The following TRHDE variants were observed in gnomAD, a reference collection of about 807,000 sequenced individuals.
TRHDE encodes the protein thyrotropin releasing hormone degrading enzyme.
In TRHDE, 72 loss-of-function variants were observed where a neutral mutation model predicts 125.7. The ratio of observed to expected loss-of-function variants is 0.57; its 90% CI spans 0.47 to 0.70. The LOEUF is 0.70. TRHDE is among the 30% of genes least tolerant of loss of function. The pLI, the probability that TRHDE is intolerant of heterozygous loss-of-function variation, is 0.00. For synonymous variants in TRHDE, 509 were observed against 509.1 expected (o/e 1.00, Z 0.00); for missense variants, 1,110 against 1,327.1 (o/e 0.84, Z 2.54).
intron 2 of TRHDE, among the ~76,000 whole-genome samples, chr12:72,147,310 C>G (rs1876252363): frequency 6.6e-6 from 1 of 152,130 alleles, no homozygotes. Flanking sequence ...GAAAACAGGT[C>G]TAAGCAGGCT....
chr12:72,125,163 A>G (rs1190229617), intron 2 of TRHDE, among the ~76,000 whole-genome samples: 1 of 152,132 alleles, frequency 6.6e-6, no homozygotes, highest in African/African-American at 2.4e-5. Context: ...ATTGGTACTA[A>G]GATTACTTTA....
chr12:72,157,320 GA>G (rs1000566533), intron 2 of TRHDE, among the ~76,000 whole-genome samples: 4 of 152,142 alleles, frequency 2.6e-5, no homozygotes, highest in Non-Finnish European at 4.4e-5. Context: ...AATATAATGG[GA>G]AGAGATTAGA....
chr12:72,516,522 T>C (rs1310571426), intron 6 of TRHDE, among the ~76,000 whole-genome samples: 1 of 152,162 alleles, frequency 6.6e-6, no homozygotes, highest in Admixed American at 6.5e-5. Flanking sequence ...TGAAGTTGCT[T>C]ATCAGCTTAA....
At chr12:72,624,955 AG>A (rs941434834) in intron 15 of TRHDE, among the ~76,000 whole-genome samples, 1 of 151,906 alleles carries the variant, frequency 6.6e-6, no homozygotes, top group African/African-American at 2.4e-5. Context: ...GACACAGAAA[AG>A]ATGATGGCCT....
intron 3 of TRHDE, among the ~76,000 whole-genome samples, chr12:72,454,857 T>C (rs1040976748): frequency 1.3e-5 from 2 of 152,152 alleles, no homozygotes; most frequent in African/African-American, 4.8e-5. Flanking sequence ...GTGATAGTTT[T>C]CTCCCTAAAC....
At chr12:72,093,115 T>A (rs1029530010) in intron 1 of TRHDE, among the ~76,000 whole-genome samples, 1 of 152,212 alleles carries the variant, frequency 6.6e-6, no homozygotes, top group African/African-American at 2.4e-5. Flanking sequence ...TGTGAATGGG[T>A]TGGCAAGCTT....
intron 2 of TRHDE, among the ~76,000 whole-genome samples, chr12:72,193,937 G>T (rs956114955): frequency 1.3e-5 from 2 of 152,044 alleles, no homozygotes; most frequent in Non-Finnish European, 2.9e-5. Context: ...AACTATTCCT[G>T]TCACATACCT....
chr12:72,139,651 C>T (rs569841467), intron 2 of TRHDE, among the ~76,000 whole-genome samples: 20 of 152,090 alleles, frequency 1.3e-4, no homozygotes, highest in Non-Finnish European at 2.5e-4. Flanking sequence ...CTGTACTTTG[C>T]GCCAAGTAAG....
chr12:72,300,362 G>GTA (rs1405741403), intron 2 of TRHDE, among the ~76,000 whole-genome samples: 4 of 73,002 alleles, frequency 5.5e-5, no homozygotes, highest in African/African-American at 2.0e-4. Flanking sequence ...AAATATATGT[G>GTA]TATACACACA....
At chr12:72,525,649 G>C (rs1868321518) in intron 6 of TRHDE, among the ~76,000 whole-genome samples, 1 of 150,928 alleles carries the variant, frequency 6.6e-6, no homozygotes, top group Non-Finnish European at 1.5e-5. Context: ...GAGAGAGAGA[G>C]AGAGAGAAAG....
chr12:72,460,525 A>C (rs897177826), intron 3 of TRHDE, among the ~76,000 whole-genome samples: 5 of 152,174 alleles, frequency 3.3e-5, no homozygotes, highest in Admixed American at 1.3e-4. Context: ...TTATATGCCC[A>C]GCCTAAATCA....
rs1468377381 is a variant in TRHDE, at chr12:72,667,019, T to A, written c.*3824T>A. ...TCAGAATGCAGATAAATTGTGTGCA[T>A]CTCAATCAGTAAAAATAATATTCAG... On this transcript the variant is annotated 3_prime_UTR_variant, in exon 19 of 19. Coordinates refer to ENST00000261180, the MANE Select transcript of TRHDE (RefSeq NM_013381.3). 2.0e-5 allele frequency: 3 copies of A among 151,964 alleles called. No individual in the cohort carries two copies. Among genetic ancestry groups the A allele is most frequent in the Non-Finnish European group, 4.4e-5 (3 of 67,916 alleles). 9.4% of individuals were successfully genotyped at this position (151,964 alleles called of 1,614,324 possible).
intron 3 of TRHDE, among the ~76,000 whole-genome samples, chr12:72,448,754 A>C (rs1246029938): frequency 6.6e-6 from 1 of 151,982 alleles, no homozygotes; most frequent in East Asian, 1.9e-4. Flanking sequence ...TTAGGAAAAA[A>C]AAATGAAAGA....
chr12:72,433,506 G>A (rs539129679), intron 3 of TRHDE, among the ~76,000 whole-genome samples: 11 of 151,878 alleles, frequency 7.2e-5, no homozygotes, highest in Non-Finnish European at 1.3e-4. Context: ...CCCGAGCATG[G>A]AGCCTTTGCC....
intron 6 of TRHDE, among the ~76,000 whole-genome samples, chr12:72,541,755 A>G (rs1869159170): frequency 6.6e-6 from 1 of 151,334 alleles, no homozygotes; most frequent in Admixed American, 6.6e-5. Flanking sequence ...AAATATTCTT[A>G]CTGAGTAAAC....
At chr12:72,319,025 A>T (rs1457075905) in intron 2 of TRHDE, among the ~76,000 whole-genome samples, 1 of 152,122 alleles carries the variant, frequency 6.6e-6, no homozygotes, top group Non-Finnish European at 1.5e-5. Context: ...AAGGGTAAGG[A>T]GAGGAAGCTG....
intron 7 of TRHDE, among the ~76,000 whole-genome samples, chr12:72,548,474 A>G (rs1016461311): frequency 6.6e-6 from 1 of 151,778 alleles, no homozygotes; most frequent in Non-Finnish European, 1.5e-5. Flanking sequence ...TGATCAATAA[A>G]TTAGAATCTA....
At chr12:72,542,377 T>C in intron 7 of TRHDE, 21 bp downstream of exon 7, 1 of 1,588,822 alleles carries the variant, frequency 6.3e-7, no homozygotes, top group Non-Finnish European at 8.6e-7. Context: ...TGCTTTTTAT[T>C]TTCTTTTACA....
At chr12:72,160,710 A>T (rs1876619060) in intron 2 of TRHDE, among the ~76,000 whole-genome samples, 1 of 151,764 alleles carries the variant, frequency 6.6e-6, no homozygotes, top group South Asian at 2.1e-4. Context: ...AAACAAAATG[A>T]AACAAAACAA....
Sources: gnomAD v4.1 joint callset for allele counts (sites outside exome capture counted in the v4.1 genomes callset) on GRCh38, gnomAD v4.1.1 for gene constraint, MANE v1.5 for transcripts, NCBI Gene and HGNC (gene_info 2026-07-23, HGNC 2026-07-21) for gene names.